Variants in MYPN observed in about 807,000 individuals in gnomAD.
MYPN encodes sarcomeric protein myopalladin, 145 kDa (MYOP).
In MYPN, 63 loss-of-function variants were observed where a neutral mutation model predicts 129.4. That is an observed-to-expected ratio of 0.49 (90% CI 0.40 to 0.60). The LOEUF is 0.60. MYPN is among the 20% of genes least tolerant of loss of function. MYPN has a pLI of 0.00. For synonymous variants in MYPN, 629 were observed against 600.9 expected, an observed-to-expected ratio of 1.05 and a Z score of -0.68; for missense variants, 1,596 against 1,635.4, an observed-to-expected ratio of 0.98 and a Z score of 0.42.
chr10:68,128,107 G>A (rs112524420), intron 2 of MYPN, among the ~76,000 whole-genome samples: 2 of 152,334 alleles, frequency 1.3e-5, no homozygotes, highest in Non-Finnish European at 2.9e-5. Context: ...TTGCAAGCCT[G>A]TTAATCTTTC....
chr10:68,168,487 T>C (rs2043088299), intron 10 of MYPN, among the ~76,000 whole-genome samples: 2 of 152,154 alleles, frequency 1.3e-5, no homozygotes, highest in African/African-American at 4.8e-5. Flanking sequence ...CCCAGGGAAA[T>C]ACAGTCTCCA....
intron 2 of MYPN, among the ~76,000 whole-genome samples, chr10:68,141,820 C>A (rs1589548993): frequency 1.3e-5 from 2 of 152,278 alleles, no homozygotes; most frequent in Middle Eastern, 3.4e-3. Flanking sequence ...ATTTCTTATA[C>A]AAGGCTAGCA....
rs1014798278 is a variant in MYPN, at chr10:68,211,847, G to C, written c.*1392G>C. 2.2e-6 allele frequency: 1 copy of C among 453,642 alleles called. No homozygotes were observed. Among genetic ancestry groups the C allele is most frequent in the Non-Finnish European group, 4.4e-6 (1 of 226,512 alleles). The allele number at this position is 453,642 out of a possible 1,614,324, so 28.1% of individuals were successfully genotyped here. Reference sequence around the variant, plus strand: ...GGCTGTGCAGGGAAATGAATTGCAGGTGTCTGTTTTCAATTCCCTGTGCTG... The same window carrying C: ...GGCTGTGCAGGGAAATGAATTGCAGCTGTCTGTTTTCAATTCCCTGTGCTG... On this transcript the variant is annotated 3_prime_UTR_variant, in exon 20 of 20. Transcript: ENST00000358913.
At chr10:68,135,521 G>T in intron 2 of MYPN, 2 of 983,462 alleles carry the variant, frequency 2.0e-6, no homozygotes, top group Non-Finnish European at 2.4e-6. Context: ...ATGTGAGTAA[G>T]CAAATGTACT....
chr10:68,194,424 G>A lies in MYPN; in HGVS notation c.2987G>A (p.Arg996Gln), dbSNP rs117187118. The stretch of plus-strand genomic sequence containing the variant: ...AGAAATGAGCACTGCAAAATGAGGC[G>A]AGAAGGAGATGGGACATGCTCTCTG... ...SKRNEHCKMR[R>Q]EGDGTCSLHI... Residue 996 changes from arginine (R) to glutamine (Q), a missense_variant, in exon 14 of 20, where the codon CGA becomes CAA. Physicochemically the swap from Arg to Gln is conservative, Grantham distance 43 (BLOSUM62 1). Coordinates refer to ENST00000358913, the MANE Select transcript of MYPN (RefSeq NM_032578.4). The A allele has an allele frequency of 4.4e-5, 71 of 1,613,790 alleles. No individual in the cohort carries two copies. In the East Asian group the frequency reaches 8.0e-4, roughly 18 times the overall value.
At position 68,209,749 on chromosome 10, in the gene MYPN, C is replaced by T. The variant is rs1040807021; in HGVS notation, c.3794-537C>T. Among the ~76,000 whole-genome samples, 5 of 147,494 alleles carry T rather than the reference C, an allele frequency of 3.4e-5. No homozygotes were observed. The Admixed American group carries it at 3.5e-4, about 10-fold the overall frequency. ...TCTGTCGCCCAGGTGAAGTGGCATGCCTTGGTGTGATCTTGGCTCACTGCA... is the reference window on the plus strand; with the variant it reads ...TCTGTCGCCCAGGTGAAGTGGCATGTCTTGGTGTGATCTTGGCTCACTGCA... On this transcript the variant is annotated intron_variant, in intron 19 of 19. Coordinates refer to ENST00000358913, the MANE Select transcript of MYPN (RefSeq NM_032578.4).
At chr10:68,197,932 G>A (rs1203091107) in intron 16 of MYPN, among the ~76,000 whole-genome samples, 2 of 152,014 alleles carry the variant, frequency 1.3e-5, no homozygotes, top group East Asian at 3.9e-4. Flanking sequence ...GGGCAAATGG[G>A]TGATTCATAC....
At position 68,122,129 on chromosome 10, in the gene MYPN, C is replaced by A. The variant is rs761101258; in HGVS notation, c.691C>A (p.Gln231Lys). 4.3e-6 allele frequency: 7 copies of A among 1,613,888 alleles called. No homozygotes were observed. Among genetic ancestry groups the A allele is most frequent in the Non-Finnish European group, 5.9e-6 (7 of 1,179,830 alleles). ...TGAAGTGAATCACGCCCTGGAACAG[C>A]AGGAAGCCAAGAGGCGTGAAGCGGA... ...DNEVNHALEQ[Q>K]EAKRREAEQA... Residue 231 changes from glutamine (Q) to lysine (K), a missense_variant, in exon 2 of 20, where the codon CAG (glutamine) becomes AAG (lysine). Gln to Lys is a moderately conservative substitution (Grantham distance 53). Transcript: ENST00000358913.
intron 10 of MYPN, among the ~76,000 whole-genome samples, chr10:68,169,894 C>T (rs370255389): frequency 2.0e-5 from 3 of 152,200 alleles, no homozygotes; most frequent in African/African-American, 7.2e-5. Context: ...TGCACACCAC[C>T]ACGCCTGGAT....
intron 11 of MYPN, among the ~76,000 whole-genome samples, chr10:68,175,084 C>T (rs1451662501): frequency 1.3e-5 from 2 of 151,658 alleles, no homozygotes; most frequent in East Asian, 1.9e-4. Flanking sequence ...TGCAGTGAGC[C>T]GAGATCACAC....
chr10:68,192,457 C>CTGTTGTTGT lies in MYPN; in HGVS notation c.2926-1900_2926-1892dup, dbSNP rs554010035. Among the ~76,000 whole-genome samples, 541 of 145,238 alleles carry CTGTTGTTGT rather than the reference C, an allele frequency of 3.7e-3. 7 individuals are homozygous for CTGTTGTTGT. Among genetic ancestry groups the CTGTTGTTGT allele is most frequent in the African/African-American group, 0.013 (505 of 39,172 alleles). On this transcript the variant is annotated intron_variant, in intron 13 of 19. Coordinates refer to ENST00000358913, the MANE Select transcript of MYPN (RefSeq NM_032578.4). ...TTATCAGGAATATTTACCTGTAGTT[C>CTGTTGTTGT]TGTTGTTGTTGTTGCTGTTGTTGTT...
upstream of MYPN, among the ~76,000 whole-genome samples, chr10:68,105,742 A>G (rs2042006914): frequency 1.3e-5 from 2 of 152,196 alleles, no homozygotes; most frequent in South Asian, 4.1e-4. Context: ...TATTTACCTT[A>G]ATAAATGCCT....
chr10:68,115,600 C>G (rs1372968058), intron 1 of MYPN, among the ~76,000 whole-genome samples: 1 of 152,326 alleles, frequency 6.6e-6, no homozygotes, highest in East Asian at 1.9e-4. Context: ...CTGATCTGCT[C>G]ACTTCTACTG....
At chr10:68,112,199 A>G in intron 1 of MYPN, among the ~76,000 whole-genome samples, 1 of 152,094 alleles carries the variant, frequency 6.6e-6, no homozygotes. Context: ...AGATTCTTGA[A>G]GTCTTCTTGA....
chr10:68,133,589 T>G (rs1213816791), intron 2 of MYPN, among the ~76,000 whole-genome samples: 1 of 151,970 alleles, frequency 6.6e-6, no homozygotes, highest in African/African-American at 2.4e-5. Context: ...CCAAATTGTA[T>G]CCCAGAGAGG....
chr10:68,181,430 C>A (rs1476236159), intron 12 of MYPN, among the ~76,000 whole-genome samples: 1 of 152,070 alleles, frequency 6.6e-6, no homozygotes, highest in Non-Finnish European at 1.5e-5. Flanking sequence ...GCTGGGACTG[C>A]AGGTGCTCGC....
chr10:68,152,977 ATTTAT>A (rs111383760), intron 6 of MYPN, among the ~76,000 whole-genome samples: 59,731 of 147,196 alleles, frequency 0.41, 13,778 homozygotes, highest in Non-Finnish European at 0.52. Context: ...ATTTTATTTT[ATTTAT>A]TTTATTTTAT....
intron 2 of MYPN, among the ~76,000 whole-genome samples, chr10:68,142,269 C>T (rs1309798680): frequency 6.6e-6 from 1 of 152,136 alleles, no homozygotes; most frequent in African/African-American, 2.4e-5. Flanking sequence ...TATTATGCAC[C>T]TCTACATTTT....
At chr10:68,179,142 C>G (rs1476460884) in intron 12 of MYPN, among the ~76,000 whole-genome samples, 1 of 152,102 alleles carries the variant, frequency 6.6e-6, no homozygotes, top group Non-Finnish European at 1.5e-5. Context: ...TTAAGTCTTT[C>G]CTCTTTCATC....
Sources: allele counts gnomAD v4.1 joint callset (sites outside exome capture counted in the v4.1 genomes callset), GRCh38; gene constraint gnomAD v4.1.1; transcripts MANE v1.5; gene names NCBI Gene and HGNC (gene_info 2026-07-23, HGNC 2026-07-21).